RNF175: variants seen among roughly 807,000 people sequenced by gnomAD.
The protein encoded by RNF175 is ring finger protein 175.
A neutral mutation model predicts 50.0 loss-of-function variants in RNF175; 38 were observed. That is an observed-to-expected ratio of 0.76 (90% confidence interval 0.59 to 1.00). RNF175 has a LOEUF of 1.00. RNF175 is among the 50% of genes least tolerant of loss of function. RNF175 has a pLI of 0.00. For missense variants in RNF175, 388 were observed against 409.6 expected, an observed-to-expected ratio of 0.95 and a Z score of 0.46; for synonymous variants, 155 against 146.1, an observed-to-expected ratio of 1.06 and a Z score of -0.44.
intron 6 of RNF175, among the ~76,000 whole-genome samples, chr4:153,717,328 T>C (rs2127094474): frequency 6.6e-6 from 1 of 152,298 alleles, no homozygotes; most frequent in South Asian, 2.1e-4. Context: ...TCCAGGCTTA[T>C]ATTGTGTATT....
In RNF175 at chr4:153,728,353, G is replaced by T; in HGVS notation, c.255C>A (p.Thr85=). Residue 85 remains threonine (T), a synonymous_variant, in exon 4 of 9, where the codon ACC becomes ACA. Transcript: ENST00000347063. ...QRHGRSYNLV[T]LLQMWVVPLY... is the part of the protein sequence containing the mutation. ...AGGGGACAACCCACATCTGCAACAA[G>T]GTCACCAGCTGTCAGAGAAATGAAC... 1 of 1,613,318 alleles carries T rather than the reference G, an allele frequency of 6.2e-7. No individual in the cohort carries two copies.
rs370195184 is a variant in RNF175, at chr4:153,723,361, G to A, written c.499C>T (p.Leu167=). Residue 167 remains leucine, a synonymous_variant, in exon 5 of 9, where the codon CTG becomes TTG. Transcript: ENST00000347063. ...ATTGGAGATACTTACTTGAAAAACAGATTGAATCCACACATTGTAAACATG... is the reference window on the plus strand; with the variant it reads ...ATTGGAGATACTTACTTGAAAAACAAATTGAATCCACACATTGTAAACATG... ...AIMFTMCGFN[L]FFKIKARDSM... The A allele has an allele frequency of 5.2e-6, 8 of 1,537,920 alleles. No homozygotes were observed. Among genetic ancestry groups the A allele is most frequent in the Non-Finnish European group, 7.2e-6 (8 of 1,110,946 alleles).
rs1737478054 is a variant in RNF175, at chr4:153,710,341, C to T, written c.*28G>A. The T allele has an allele frequency of 6.5e-7, 1 of 1,527,522 alleles. No homozygotes were observed. Among genetic ancestry groups the T allele is most frequent in the Non-Finnish European group, 8.8e-7 (1 of 1,130,358 alleles). 94.6% of individuals were successfully genotyped at this position (1,527,522 alleles called of 1,614,324 possible). A position where few individuals can be genotyped will look rare whatever the true frequency, so the allele number is the denominator to read the frequency against. On this transcript the variant is annotated 3_prime_UTR_variant, in exon 9 of 9. Transcript: ENST00000347063. Reference sequence around the variant, plus strand: ...TGTTGGACCAAGGATTTCAACCATGCAGTATGTTGCTTCTGGGGTCTGCTG... The same window carrying T: ...TGTTGGACCAAGGATTTCAACCATGTAGTATGTTGCTTCTGGGGTCTGCTG...
In RNF175 at chr4:153,728,197, G is replaced by A. The variant is rs1282862011; in HGVS notation, c.401+10C>T. On this transcript the variant is annotated intron_variant, in intron 4 of 8. Coordinates refer to ENST00000347063, the MANE Select transcript of RNF175 (RefSeq NM_173662.4). ...GGGGCTCCTGGGGAAGGAATGTATG[G>A]AATACATACCGTGGTGTCCTTCCTG... The A allele has an allele frequency of 1.2e-6, 2 of 1,601,804 alleles. No homozygotes were observed. Among genetic ancestry groups the A allele is most frequent in the Non-Finnish European group, 1.7e-6 (2 of 1,171,698 alleles).
intron 3 of RNF175, among the ~76,000 whole-genome samples, chr4:153,746,658 G>A (rs1038428219): frequency 6.6e-6 from 1 of 152,252 alleles, no homozygotes; most frequent in Non-Finnish European, 1.5e-5. Flanking sequence ...TGGTAGTTGT[G>A]TAGTTCTGGG....
intron 3 of RNF175, 70 bp downstream of exon 3, chr4:153,748,575 T>A (rs565609204): frequency 2.1e-5 from 30 of 1,396,450 alleles, no homozygotes; most frequent in Non-Finnish European, 2.8e-5. Flanking sequence ...AGGGAGAACA[T>A]GTCCTGGAAA....
chr4:153,731,916 G>C (rs1356626680), intron 3 of RNF175, among the ~76,000 whole-genome samples: 1 of 151,854 alleles, frequency 6.6e-6, no homozygotes, highest in African/African-American at 2.4e-5. Flanking sequence ...ATGAAGGAGA[G>C]TGTGAATATA....
intron 3 of RNF175, among the ~76,000 whole-genome samples, chr4:153,732,094 A>T (rs1739072453): frequency 6.6e-6 from 1 of 151,938 alleles, no homozygotes; most frequent in Non-Finnish European, 1.5e-5. Context: ...TAGCTGGGCG[A>T]GGTGGCACAC....
chr4:153,742,209 G>A (rs1739700635), intron 3 of RNF175, among the ~76,000 whole-genome samples: 1 of 148,950 alleles, frequency 6.7e-6, no homozygotes, highest in Non-Finnish European at 1.5e-5. Flanking sequence ...GGGAGGCAGA[G>A]GTTGCAGTGA....
intron 3 of RNF175, among the ~76,000 whole-genome samples, chr4:153,728,821 A>G (rs112806691): frequency 2.0e-5 from 3 of 152,348 alleles, no homozygotes; most frequent in East Asian, 1.9e-4. Context: ...ACTGTCATGT[A>G]TCCATACGAA....
chr4:153,731,407 T>C (rs1453948609), intron 3 of RNF175, among the ~76,000 whole-genome samples: 1 of 152,332 alleles, frequency 6.6e-6, no homozygotes, highest in East Asian at 1.9e-4. Context: ...AAAACACATC[T>C]GCACTACTGG....
rs1316079475 is a variant in RNF175 at position 153,741,249 on chromosome 4, C to T, written c.246+7396G>A. On this transcript the variant is annotated intron_variant, in intron 3 of 8. Coordinates refer to ENST00000347063, the MANE Select transcript of RNF175 (RefSeq NM_173662.4). The stretch of plus-strand genomic sequence containing the variant: ...CTCTCCCCTCATATTGGATGAGGCT[C>T]TGATCAATCTTTTCCCTTGCTGTGG... 4.6e-5 allele frequency among the ~76,000 whole-genome samples: 7 copies of T among 152,208 alleles called. No individual in the cohort carries two copies. In the East Asian group the frequency reaches 1.3e-3, roughly 29 times the overall value.
At position 153,759,848 on chromosome 4, in the gene RNF175, C is replaced by A. The variant is rs956956241; in HGVS notation, c.15G>T (p.Thr5=). The part of the protein sequence containing the change: MAAG[T]AARKAAPVLE... ...GCACCGGCGCTGCCTTCCGCGCCGC[C>A]GTCCCCGCGGCCATGCCTGAGCCAC... The change falls in exon 1 of 9, where the codon ACG becomes ACT. Residue 5 remains threonine (T), a synonymous_variant. Coordinates refer to ENST00000347063, the MANE Select transcript of RNF175 (RefSeq NM_173662.4). The A allele has an allele frequency of 1.4e-6, 2 of 1,459,162 alleles. No homozygotes were observed. Among genetic ancestry groups the A allele is most frequent in the Non-Finnish European group, 1.8e-6 (2 of 1,113,096 alleles). The allele number at this position is 1,459,162 out of a possible 1,614,324, so 90.4% of individuals were successfully genotyped here.
chr4:153,731,249 C>G (rs959018727), intron 3 of RNF175, among the ~76,000 whole-genome samples: 1 of 152,142 alleles, frequency 6.6e-6, no homozygotes, highest in Non-Finnish European at 1.5e-5. Flanking sequence ...TAAATAGTAA[C>G]TGCCATATAT....
At chr4:153,732,913 T>C (rs954584334) in intron 3 of RNF175, among the ~76,000 whole-genome samples, 1 of 152,236 alleles carries the variant, frequency 6.6e-6, no homozygotes, top group African/African-American at 2.4e-5. Context: ...AAAATGCGAC[T>C]ACTTGAAAAC....
chr4:153,748,434 C>G (rs1460076726), intron 3 of RNF175: 3 of 450,544 alleles, frequency 6.7e-6, no homozygotes, highest in Non-Finnish European at 1.2e-5. Context: ...TCCCCTCCCC[C>G]TTTTCACCCC....
intron 3 of RNF175, among the ~76,000 whole-genome samples, chr4:153,733,744 A>G (rs192949032): frequency 2.2e-4 from 34 of 152,292 alleles, no homozygotes; most frequent in African/African-American, 8.2e-4. Flanking sequence ...AAATGTTCCT[A>G]TTTTGAAGTC....
At chr4:153,715,479 G>A (rs868440243) in intron 7 of RNF175, 50 bp downstream of exon 7, 1 of 1,538,430 alleles carries the variant, frequency 6.5e-7, no homozygotes, top group Non-Finnish European at 8.8e-7. Context: ...GGAGAAGGAG[G>A]AAAGAAGGAG....
At chr4:153,723,274 G>A (rs1322658586) in intron 5 of RNF175, 77 bp downstream of exon 5, 1 of 730,598 alleles carries the variant, frequency 1.4e-6, no homozygotes, top group Non-Finnish European at 2.5e-6. Flanking sequence ...AGATGCTTCT[G>A]GATTAAGAGA....
Sources: gnomAD v4.1 joint callset for allele counts (sites outside exome capture counted in the v4.1 genomes callset) on GRCh38, gnomAD v4.1.1 for gene constraint, MANE v1.5 for transcripts, NCBI Gene and HGNC (gene_info 2026-07-23, HGNC 2026-07-21) for gene names.